SECISBP2: variants seen among roughly 807,000 people sequenced by gnomAD.
SECISBP2 encodes selenocysteine insertion sequence-binding protein 2.
In SECISBP2, 96 loss-of-function variants were observed where a neutral mutation model predicts 98.2. That is an observed-to-expected ratio of 0.98 (90% CI 0.83 to 1.16). The LOEUF (loss-of-function observed/expected upper bound fraction) is 1.16, where lower values mean the gene tolerates loss of function less well. Ranked by LOEUF, SECISBP2 falls within the 50% of genes most tolerant of loss-of-function variation. The pLI, the probability that SECISBP2 is intolerant of heterozygous loss-of-function variation, is 0.00. For missense variants in SECISBP2, 1,046 were observed against 1,022.9 expected, an observed-to-expected ratio of 1.02 and a Z score of -0.31; for synonymous variants, 407 against 370.2, an observed-to-expected ratio of 1.10 and a Z score of -1.14.
At chr9:89,342,906 A>G (rs775013865) in intron 10 of SECISBP2, among the ~76,000 whole-genome samples, 3 of 152,252 alleles carry the variant, frequency 2.0e-5, no homozygotes, top group Non-Finnish European at 4.4e-5. Flanking sequence ...AACAGTTAAA[A>G]TGGTACATTT....
intron 2 of SECISBP2, among the ~76,000 whole-genome samples, chr9:89,320,311 G>A (rs532107307): frequency 1.1e-3 from 137 of 127,852 alleles, no homozygotes; most frequent in African/African-American, 4.0e-3. Context: ...GGCCAAGATA[G>A]CACCACTACA....
Position 89,328,741 on chromosome 9 carries a change from C to G in SECISBP2, c.656C>G (p.Thr219Ser), listed in dbSNP as rs759987487. The change falls in exon 5 of 17, where the codon ACC (threonine) becomes AGC (serine). Residue 219 changes from threonine (T) to serine (S), a missense_variant. Transcript: ENST00000375807. ...ACCTCCAAACCTGAGTTTGAATTTA[C>G]CACACTGGACTTTCCTGAACTGCAA... ...VSTSKPEFEF[T>S]TLDFPELQGA... 1.3e-5 allele frequency: 21 copies of G among 1,614,038 alleles called. No individual in the cohort carries two copies. The African/African-American group carries it at 2.3e-4, about 17-fold the overall frequency.
intron 14 of SECISBP2, among the ~76,000 whole-genome samples, chr9:89,352,993 C>T (rs1353804804): frequency 7.2e-6 from 1 of 138,924 alleles, no homozygotes; most frequent in Non-Finnish European, 1.5e-5. Flanking sequence ...CCACAGATGT[C>T]CTCTGTGTCC....
chr9:89,320,321 A>ACTCAAGCC (rs1043318896), intron 2 of SECISBP2, among the ~76,000 whole-genome samples: 4 of 144,984 alleles, frequency 2.8e-5, no homozygotes, highest in African/African-American at 1.0e-4. Flanking sequence ...GCACCACTAC[A>ACTCAAGCC]CTCAAGCCTG....
intron 10 of SECISBP2, among the ~76,000 whole-genome samples, chr9:89,342,771 A>G (rs190352235): frequency 5.9e-4 from 90 of 152,328 alleles, no homozygotes; most frequent in Non-Finnish European, 1.1e-3. Flanking sequence ...GGGAAAAGGA[A>G]TAGTGAGTTA....
At chr9:89,320,242 G>C (rs1825498492) in intron 2 of SECISBP2, among the ~76,000 whole-genome samples, 1 of 151,456 alleles carries the variant, frequency 6.6e-6, no homozygotes, top group Non-Finnish European at 1.5e-5. Context: ...TGTAATCCCA[G>C]GTATTCGGGA....
At chr9:89,344,654 T>G (rs1025727508) in intron 10 of SECISBP2, among the ~76,000 whole-genome samples, 1 of 152,218 alleles carries the variant, frequency 6.6e-6, no homozygotes, top group African/African-American at 2.4e-5. Context: ...GTTTTTAGAG[T>G]ACACTTTTGA....
At chr9:89,357,851 C>T (rs1832333681) in intron 15 of SECISBP2, 148 bp from the exon 16 acceptor site, 3 of 958,964 alleles carry the variant, frequency 3.1e-6, no homozygotes, top group Admixed American at 2.0e-5. Flanking sequence ...TCCTCTGGGG[C>T]AGCATCCCTG....
At chr9:89,331,781 T>G (rs1260550717) in intron 5 of SECISBP2, among the ~76,000 whole-genome samples, 1 of 152,256 alleles carries the variant, frequency 6.6e-6, no homozygotes, top group Non-Finnish European at 1.5e-5. Context: ...AATTGTGTGG[T>G]GCATCTGTGC....
At position 89,328,728 on chromosome 9, in the gene SECISBP2, G is replaced by T. The variant is rs1401654939; in HGVS notation, c.643G>T (p.Glu215Ter). 1.2e-6 allele frequency: 2 copies of T among 1,614,070 alleles called. No homozygotes were observed. Among genetic ancestry groups the T allele is most frequent in the Non-Finnish European group, 1.7e-6 (2 of 1,180,038 alleles). The change falls in exon 5 of 17, where the codon GAG becomes TAG. Residue 215 changes from glutamate (E) to a stop codon, truncating the protein, a stop_gained. Transcript: ENST00000375807. LOFTEE classifies it high-confidence loss of function. ...IAKNVSTSKP[E>*]FEFTTLDFPE... ...AAAAAATGTATCTACCTCCAAACCT[G>T]AGTTTGAATTTACCACACTGGACTT...
chr9:89,362,751 G>A (rs183638668), downstream of SECISBP2, among the ~76,000 whole-genome samples: 12 of 152,374 alleles, frequency 7.9e-5, no homozygotes, highest in African/African-American at 2.9e-4. Flanking sequence ...GTTCGGGGGT[G>A]TACTGCTGGC....
intron 12 of SECISBP2, among the ~76,000 whole-genome samples, chr9:89,349,128 C>A (rs1830880817): frequency 6.6e-6 from 1 of 152,186 alleles, no homozygotes; most frequent in Admixed American, 6.5e-5. Flanking sequence ...CTCTACCAGC[C>A]CACGGGGCAC....
intron 2 of SECISBP2, 86 bp downstream of exon 2, chr9:89,319,883 C>T: frequency 2.2e-6 from 3 of 1,355,098 alleles, no homozygotes; most frequent in Non-Finnish European, 3.2e-6. Context: ...GCAGTTACTG[C>T]ACTAAAGTTC....
At chr9:89,355,354 A>C in intron 14 of SECISBP2, 1 of 985,376 alleles carries the variant, frequency 1.0e-6, no homozygotes. Context: ...TCCTCCAGAG[A>C]CCACTGTGTT....
chr9:89,348,311 T>G, intron 12 of SECISBP2, 97 bp downstream of exon 12: 1 of 1,398,946 alleles, frequency 7.1e-7, no homozygotes, highest in Non-Finnish European at 1.0e-6. Context: ...CTTGGCTGAC[T>G]CCTCTTCCTT....
At position 89,347,792 on chromosome 9, in the gene SECISBP2, A is replaced by G. The variant is rs143996377; in HGVS notation, c.1603-287A>G. 9.7e-4 allele frequency among the ~76,000 whole-genome samples: 147 copies of G among 152,316 alleles called. 2 individuals carry two copies. Among genetic ancestry groups the G allele is most frequent in the African/African-American group, 3.5e-3 (144 of 41,578 alleles). The stretch of plus-strand genomic sequence containing the variant: ...CAGCCTCCCTCCGGTGAATTCTTAC[A>G]GCAGCCTGTGGTGTAGGTGCTCAGG... On this transcript the variant is annotated intron_variant, in intron 11 of 16. Transcript: ENST00000375807.
downstream of SECISBP2, chr9:89,362,257 G>A: frequency 7.2e-7 from 1 of 1,390,554 alleles, no homozygotes; most frequent in South Asian, 1.2e-5. Context: ...CCATCAGGTG[G>A]TGGCCCAATG....
At chr9:89,363,853 A>G (rs1206588931), downstream of SECISBP2, 3 of 1,614,160 alleles carry the variant, frequency 1.9e-6, no homozygotes, top group South Asian at 2.2e-5. Context: ...AGCTGAGTGC[A>G]TGGGCCCTGC....
chr9:89,319,760 A>G lies in SECISBP2; in HGVS notation c.145A>G (p.Thr49Ala), dbSNP rs1402703425. Reference sequence around the variant, plus strand: ...ATGTGTCTTCCCCAGCTCTGCAGCCACATACTATCCGTTTGTTCAGGAACC... The same window carrying G: ...ATGTGTCTTCCCCAGCTCTGCAGCCGCATACTATCCGTTTGTTCAGGAACC... ...EACVFPSSAA[T>A]YYPFVQEPPV... is the part of the protein sequence containing the mutation. The change falls in exon 2 of 17, where the codon ACA becomes GCA. Residue 49 changes from threonine to alanine, a missense_variant. By Grantham distance (58) the Thr-to-Ala change is moderately conservative (BLOSUM62 0). Transcript: ENST00000375807. 2 of 1,614,106 alleles carry G rather than the reference A, an allele frequency of 1.2e-6. No individual in the cohort carries two copies. Among genetic ancestry groups the G allele is most frequent in the Non-Finnish European group, 1.7e-6 (2 of 1,180,030 alleles).
Sources: allele counts gnomAD v4.1 joint callset (sites outside exome capture counted in the v4.1 genomes callset), GRCh38; gene constraint gnomAD v4.1.1; transcripts MANE v1.5; gene names NCBI Gene and HGNC (gene_info 2026-07-23, HGNC 2026-07-21).